GLG1: variants seen among roughly 807,000 people sequenced by gnomAD.
The protein encoded by GLG1 is golgi glycoprotein 1, also known as Golgi apparatus protein 1.
Under a neutral mutation model 160.5 loss-of-function variants are expected in GLG1, and 38 were observed. The ratio of observed to expected loss-of-function variants is 0.24; its 90% CI spans 0.18 to 0.31. GLG1 has a LOEUF of 0.31. GLG1 is among the 10% of genes least tolerant of loss of function. The pLI, the probability that GLG1 is intolerant of heterozygous loss-of-function variation, is 1.00. For missense variants in GLG1, 1,373 were observed against 1,505.2 expected, an observed-to-expected ratio of 0.91 and a Z score of 1.45; for synonymous variants, 644 against 543.4, an observed-to-expected ratio of 1.19 and a Z score of -2.57.
At chr16:74,570,176 T>C (rs990390212) in intron 1 of GLG1, among the ~76,000 whole-genome samples, 1 of 152,144 alleles carries the variant, frequency 6.6e-6, no homozygotes, top group Non-Finnish European at 1.5e-5. Flanking sequence ...CCAATGAATA[T>C]TTTCACTTCT....
chr16:74,587,258 G>C (rs1958075616), intron 1 of GLG1, among the ~76,000 whole-genome samples: 1 of 152,222 alleles, frequency 6.6e-6, no homozygotes, highest in Admixed American at 6.6e-5. Flanking sequence ...CTGTATGGAA[G>C]TGGCTTCCCG....
At chr16:74,510,083 G>A (rs1323250264) in intron 2 of GLG1, among the ~76,000 whole-genome samples, 1 of 148,854 alleles carries the variant, frequency 6.7e-6, no homozygotes. Flanking sequence ...CCAGGCTGCA[G>A]TGCAATGGCG....
chr16:74,535,257 A>G (rs1480925498), intron 1 of GLG1, among the ~76,000 whole-genome samples: 1 of 152,272 alleles, frequency 6.6e-6, no homozygotes, highest in Non-Finnish European at 1.5e-5. Context: ...TGTAACAGCT[A>G]TGATCTAAAA....
Position 74,594,384 on chromosome 16 carries a change from C to T in GLG1, c.438+12273G>A, listed in dbSNP as rs76634382. Among the ~76,000 whole-genome samples the T allele has an allele frequency of 3.0e-3, 451 of 152,244 alleles. 2 individuals carry two copies. The highest frequency in any genetic ancestry group is 0.017 in the Middle Eastern group (5 of 294). Reference sequence around the variant, plus strand: ...ATGTACAGGTCCTGTAAATATCACACATTCAGTCAAACAAAACTTTCTGAT... The same window carrying T: ...ATGTACAGGTCCTGTAAATATCACATATTCAGTCAAACAAAACTTTCTGAT... On this transcript the variant is annotated intron_variant, in intron 1 of 25. Transcript: ENST00000422840.
intron 1 of GLG1, among the ~76,000 whole-genome samples, chr16:74,540,763 G>A (rs1260946351): frequency 2.6e-5 from 4 of 151,784 alleles, no homozygotes; most frequent in African/African-American, 9.7e-5. Flanking sequence ...TCTATCAAAT[G>A]CTTGTTCAGA....
intron 20 of GLG1, 28 bp downstream of exon 20, chr16:74,463,328 G>T: frequency 3.7e-6 from 6 of 1,611,734 alleles, no homozygotes; most frequent in Non-Finnish European, 5.1e-6. Flanking sequence ...TACTCCACGG[G>T]GCCAGGAGAG....
chr16:74,583,428 T>A (rs1045634442), intron 1 of GLG1, among the ~76,000 whole-genome samples: 4 of 152,232 alleles, frequency 2.6e-5, no homozygotes, highest in Admixed American at 6.5e-5. Context: ...TCCCCCAAGC[T>A]GGAGTGCAAT....
chr16:74,603,287 G>A (rs1958486826), intron 1 of GLG1, among the ~76,000 whole-genome samples: 1 of 151,364 alleles, frequency 6.6e-6, no homozygotes, highest in African/African-American at 2.4e-5. Context: ...GTGCGTGCCT[G>A]TAATCCCAGC....
chr16:74,456,935 C>A (rs546094468), intron 24 of GLG1, among the ~76,000 whole-genome samples, 180 bp from the exon 25 acceptor site: 1 of 152,102 alleles, frequency 6.6e-6, no homozygotes, highest in Non-Finnish European at 1.5e-5. Context: ...TGATATGTAA[C>A]CTCCAGGGTT....
At position 74,480,332 on chromosome 16, in the gene GLG1, C is replaced by A; in HGVS notation, c.1736G>T (p.Gly579Val). 1.9e-6 allele frequency: 3 copies of A among 1,613,390 alleles called. No homozygotes were observed. The highest frequency in any genetic ancestry group is 2.5e-6 in the Non-Finnish European group (3 of 1,179,274). The change falls in exon 11 of 26, where the codon GGT becomes GTT. Residue 579 changes from glycine (G) to valine (V), a missense_variant. Gly to Val is a moderately radical substitution (Grantham distance 109). Around this residue, in one of 4 missense-constraint regions of GLG1, gnomAD observed 386 missense variants for 388.5 expected, o/e 0.99. Transcript: ENST00000422840. ...CATAAATTCACTGGTCTCATTCCAA[C>A]CGTGGGTGTGGCAAAGACGAGAAGC... ...GDASRLCHTH[G>V]WNETSEFMPQ...
chr16:74,485,866 G>C lies in GLG1; in HGVS notation c.1501C>G (p.Arg501Gly). 1 of 1,610,692 alleles carries C rather than the reference G, an allele frequency of 6.2e-7. No homozygotes were observed. The highest frequency in any genetic ancestry group is 8.5e-7 in the Non-Finnish European group (1 of 1,176,916). ...TDPGADYRID[R>G]ALNEACESVI... Reference sequence around the variant, plus strand: ...GATTCACAAGCTTCATTCAAAGCTCGATCAATGCGGTAATCTGCACCAGGG... The same window carrying C: ...GATTCACAAGCTTCATTCAAAGCTCCATCAATGCGGTAATCTGCACCAGGG... The change falls in exon 9 of 26, where the codon CGA (arginine) becomes GGA (glycine). Residue 501 changes from arginine to glycine, a missense_variant. Transcript: ENST00000422840.
intron 1 of GLG1, among the ~76,000 whole-genome samples, chr16:74,563,586 G>T (rs2018566412): frequency 6.6e-6 from 1 of 151,984 alleles, no homozygotes; most frequent in Admixed American, 6.6e-5. Flanking sequence ...AATTAGCGGG[G>T]CGTGGTGGCG....
intron 1 of GLG1, among the ~76,000 whole-genome samples, chr16:74,563,714 G>A (rs1446376092): frequency 2.8e-5 from 4 of 144,562 alleles, no homozygotes; most frequent in African/African-American, 7.7e-5. Context: ...GCAACAGAGT[G>A]AGACCCTGTC....
rs533495564 is a variant in GLG1, at chr16:74,458,475, C to T, written c.3145-481G>A. ...GAGGCCGAGGTAGGAGTCTGAGACCCGTGTGGGTAACACAGCAAGACCCCC... is the reference window on the plus strand; with the variant it reads ...GAGGCCGAGGTAGGAGTCTGAGACCTGTGTGGGTAACACAGCAAGACCCCC... On this transcript the variant is annotated intron_variant, in intron 23 of 25. Transcript: ENST00000422840. Among the ~76,000 whole-genome samples the T allele has an allele frequency of 7.9e-5, 12 of 151,846 alleles. No individual in the cohort carries two copies. In the South Asian group the frequency reaches 1.7e-3, roughly 21 times the overall value.
chr16:74,581,783 G>A (rs2143823455), intron 1 of GLG1, among the ~76,000 whole-genome samples: 1 of 152,144 alleles, frequency 6.6e-6, no homozygotes, highest in Admixed American at 6.6e-5. Flanking sequence ...TTGGTGGCGG[G>A]CGCCTGTAAT....
intron 22 of GLG1, among the ~76,000 whole-genome samples, chr16:74,460,346 G>A (rs1338738797): frequency 1.3e-5 from 2 of 152,112 alleles, no homozygotes; most frequent in Non-Finnish European, 2.9e-5. Context: ...TAGTAGAGAT[G>A]GGGTTTCGCC....
intron 25 of GLG1, 101 bp downstream of exon 25, chr16:74,456,548 G>A (rs751531203): frequency 2.0e-5 from 15 of 759,362 alleles, no homozygotes; most frequent in African/African-American, 7.0e-5. Context: ...CAGCCACAGC[G>A]AGGAGAGTGG....
chr16:74,567,308 T>C (rs555371203), intron 1 of GLG1, among the ~76,000 whole-genome samples: 1 of 152,240 alleles, frequency 6.6e-6, no homozygotes, highest in South Asian at 2.1e-4. Flanking sequence ...ACCAATGTTG[T>C]AACACGTCCC....
At chr16:74,597,150 T>C (rs1958325510) in intron 1 of GLG1, among the ~76,000 whole-genome samples, 1 of 147,950 alleles carries the variant, frequency 6.8e-6, no homozygotes, top group African/African-American at 2.5e-5. Flanking sequence ...AAAACAAAAC[T>C]CACCAGGCAC....
Sources: allele counts gnomAD v4.1 joint callset (sites outside exome capture counted in the v4.1 genomes callset), GRCh38; gene constraint gnomAD v4.1.1; regional missense constraint gnomAD v4.1.1; transcripts MANE v1.5; gene names NCBI Gene and HGNC (gene_info 2026-07-23, HGNC 2026-07-21).